The following UTRN variants were observed in gnomAD, a reference collection of about 807,000 sequenced individuals.
UTRN encodes utrophin, also known as dystrophin-related protein 1.
In UTRN, 283 loss-of-function variants were observed where a neutral mutation model predicts 463.9. That is an observed-to-expected ratio of 0.61 (90% CI 0.55 to 0.67). The LOEUF is 0.67. Ranked by LOEUF, UTRN falls within the 30% of genes least tolerant of loss-of-function variation. The probability of loss-of-function intolerance (pLI) is 0.00; values close to 1 mark genes in which losing one functional copy is unlikely to be tolerated. For synonymous variants in UTRN, 1,442 were observed against 1,431.5 expected (o/e 1.01, Z -0.17); for missense variants, 3,922 against 4,084.3 (o/e 0.96, Z 1.08).
chr6:144,307,672 A>C (rs1302111703), intron 2 of UTRN, among the ~76,000 whole-genome samples: 1 of 152,196 alleles, frequency 6.6e-6, no homozygotes, highest in Non-Finnish European at 1.5e-5. Context: ...GGTTGAGAAG[A>C]CACAAAGTTT....
At chr6:144,381,160 G>A (rs1402523317) in intron 2 of UTRN, among the ~76,000 whole-genome samples, 4 of 151,654 alleles carry the variant, frequency 2.6e-5, no homozygotes, top group African/African-American at 7.3e-5. Flanking sequence ...TTTCGTGATC[G>A]TTTCCCTCCC....
chr6:144,531,045 C>T lies in UTRN; in HGVS notation c.5907-7C>T. Reference sequence around the variant, plus strand: ...AAACCTATTTTATTTTGTGTATTGTCCTCTAGTTGTTTTGACAGGGCAATG... The same window carrying T: ...AAACCTATTTTATTTTGTGTATTGTTCTCTAGTTGTTTTGACAGGGCAATG... On this transcript the variant is annotated splice_region_variant and splice_polypyrimidine_tract_variant and intron_variant, in intron 41 of 74. Transcript: ENST00000367545. The T allele has an allele frequency of 6.2e-7, 1 of 1,612,494 alleles. No individual in the cohort carries two copies. Among genetic ancestry groups the T allele is most frequent in the Non-Finnish European group, 8.5e-7 (1 of 1,179,130 alleles).
intron 69 of UTRN, among the ~76,000 whole-genome samples, chr6:144,834,095 G>A (rs1445219334): frequency 6.6e-6 from 1 of 152,134 alleles, no homozygotes; most frequent in Non-Finnish European, 1.5e-5. Context: ...GGGAATCAAA[G>A]GATAATGCCG....
At chr6:144,674,345 T>C (rs1562745328) in intron 51 of UTRN, among the ~76,000 whole-genome samples, 1 of 151,886 alleles carries the variant, frequency 6.6e-6, no homozygotes, top group Non-Finnish European at 1.5e-5. Context: ...TTTTTTTAAT[T>C]ATTTTTTATT....
chr6:144,386,065 A>G (rs1488845828), intron 2 of UTRN, among the ~76,000 whole-genome samples: 1 of 152,162 alleles, frequency 6.6e-6, no homozygotes, highest in African/African-American at 2.4e-5. Context: ...TCATTAGGAA[A>G]GTGAGTGGCC....
At chr6:144,326,212 T>C (rs935614244) in intron 2 of UTRN, among the ~76,000 whole-genome samples, 1 of 152,194 alleles carries the variant, frequency 6.6e-6, no homozygotes, top group African/African-American at 2.4e-5. Context: ...GTAGAAATCA[T>C]TTTATTAAAA....
chr6:144,415,653 T>A (rs1784299657), intron 3 of UTRN, among the ~76,000 whole-genome samples: 1 of 152,022 alleles, frequency 6.6e-6, no homozygotes, highest in Non-Finnish European at 1.5e-5. Context: ...CTCACAAGAT[T>A]TTTATTTGGA....
rs1782488952 is a variant in UTRN, at chr6:144,851,627, A to G, written c.*630A>G. The G allele has an allele frequency of 6.6e-6, 1 of 152,232 alleles. No homozygotes were observed. Among genetic ancestry groups the G allele is most frequent in the African/African-American group, 2.4e-5 (1 of 41,442 alleles). The allele number at this position is 152,232 out of a possible 1,614,324, so 9.4% of individuals were successfully genotyped here. The stretch of plus-strand genomic sequence containing the variant: ...TATACACACATATGGTTTAAGCTAC[A>G]GCCCTGTGTATGCCGTTTAACTTTA... On this transcript the variant is annotated 3_prime_UTR_variant, in exon 75 of 75. Coordinates refer to ENST00000367545, the MANE Select transcript of UTRN (RefSeq NM_007124.3).
intron 13 of UTRN, among the ~76,000 whole-genome samples, 200 bp from the exon 14 acceptor site, chr6:144,444,081 G>T (rs921062322): frequency 6.6e-6 from 1 of 152,126 alleles, no homozygotes; most frequent in Non-Finnish European, 1.5e-5. Flanking sequence ...GAAATCATTT[G>T]TTCAATTCTA....
intron 41 of UTRN, among the ~76,000 whole-genome samples, chr6:144,530,786 G>A (rs527494666): frequency 3.3e-5 from 5 of 151,994 alleles, no homozygotes; most frequent in African/African-American, 9.7e-5. Context: ...ATACGTGAGT[G>A]TGCATGTGTG....
intron 17 of UTRN, among the ~76,000 whole-genome samples, chr6:144,449,052 C>T (rs1787982419): frequency 6.6e-6 from 1 of 152,072 alleles, no homozygotes; most frequent in Non-Finnish European, 1.5e-5. Flanking sequence ...CATTATTCTC[C>T]TTGGAAGGAT....
chr6:144,578,531 C>T (rs560246491), intron 51 of UTRN, among the ~76,000 whole-genome samples: 2 of 152,236 alleles, frequency 1.3e-5, no homozygotes, highest in East Asian at 3.9e-4. Flanking sequence ...GATGGGGTTT[C>T]ACCATGTTGG....
At chr6:144,379,146 T>C (rs1780701555) in intron 2 of UTRN, among the ~76,000 whole-genome samples, 1 of 152,244 alleles carries the variant, frequency 6.6e-6, no homozygotes, top group Non-Finnish European at 1.5e-5. Flanking sequence ...ATAGTATGTG[T>C]TTATCTCTTG....
intron 2 of UTRN, among the ~76,000 whole-genome samples, chr6:144,331,787 T>C (rs1307845443): frequency 6.6e-6 from 1 of 152,132 alleles, no homozygotes; most frequent in Non-Finnish European, 1.5e-5. Context: ...TCCCGGAGTT[T>C]TGCTCTTCCT....
chr6:144,347,460 C>T (rs1343781531), intron 2 of UTRN, among the ~76,000 whole-genome samples: 1 of 152,188 alleles, frequency 6.6e-6, no homozygotes, highest in African/African-American at 2.4e-5. Context: ...AGAAGAGGCT[C>T]AGTAGCTGCT....
chr6:144,517,735 C>G (rs893503245), intron 39 of UTRN, among the ~76,000 whole-genome samples: 2 of 152,140 alleles, frequency 1.3e-5, no homozygotes, highest in African/African-American at 2.4e-5. Context: ...AGTACAATAA[C>G]GTGCTGTAAA....
At chr6:144,453,216 G>A (rs1292981419) in intron 18 of UTRN, among the ~76,000 whole-genome samples, 1 of 151,990 alleles carries the variant, frequency 6.6e-6, no homozygotes, top group Non-Finnish European at 1.5e-5. Context: ...TCTGCCTCCC[G>A]GGTTCAAGCA....
At chr6:144,468,958 T>C (rs1171240791) in intron 23 of UTRN, among the ~76,000 whole-genome samples, 1 of 152,264 alleles carries the variant, frequency 6.6e-6, no homozygotes, top group South Asian at 2.1e-4. Flanking sequence ...AGGTGGTAGG[T>C]AGCATTGATC....
intron 63 of UTRN, among the ~76,000 whole-genome samples, chr6:144,797,100 A>C (rs1397421174): frequency 6.6e-6 from 1 of 152,182 alleles, no homozygotes; most frequent in African/African-American, 2.4e-5. Flanking sequence ...ACACACAAAA[A>C]TGACAGCTTT....
Sources: allele counts gnomAD v4.1 joint callset (sites outside exome capture counted in the v4.1 genomes callset), GRCh38; gene constraint gnomAD v4.1.1; transcripts MANE v1.5; gene names NCBI Gene and HGNC (gene_info 2026-07-23, HGNC 2026-07-21).